Variants in PAPOLG observed in about 807,000 individuals in gnomAD.
PAPOLG encodes the protein PAP-gamma.
Under a neutral mutation model 99.0 loss-of-function variants are expected in PAPOLG, and 40 were observed. That is an observed-to-expected ratio of 0.40 (90% CI 0.31 to 0.53). PAPOLG has a LOEUF of 0.53. PAPOLG is among the 20% of genes least tolerant of loss of function. The pLI is 0.41. For synonymous variants in PAPOLG, 310 were observed against 299.3 expected, an observed-to-expected ratio of 1.04 and a Z score of -0.37; for missense variants, 675 against 884.1, an observed-to-expected ratio of 0.76 and a Z score of 3.00.
chr2:60,779,430 CTAAT>C (rs1298092311), intron 8 of PAPOLG: 4 of 498,206 alleles, frequency 8.0e-6, no homozygotes, highest in Non-Finnish European at 1.4e-5. Flanking sequence ...TTATGGTTTA[CTAAT>C]TAGACTGTGG....
At position 60,800,320 on chromosome 2, in the gene PAPOLG, G is replaced by C. The variant is rs572172204; in HGVS notation, c.*3160G>C. On this transcript the variant is annotated 3_prime_UTR_variant, in exon 22 of 22. Coordinates refer to ENST00000238714, the MANE Select transcript of PAPOLG (RefSeq NM_022894.4). ...CTTGCCTCAGCCTCCCAAGTAGCTG[G>C]AATTACAGGCCTGTGCCATGCCCAG... 2.0e-5 allele frequency: 3 copies of C among 152,398 alleles called. No individual in the cohort carries two copies. Among genetic ancestry groups the C allele is most frequent in the East Asian group, 1.9e-4 (1 of 5,194 alleles). 9.4% of individuals were successfully genotyped at this position (152,398 alleles called of 1,614,324 possible).
intron 8 of PAPOLG, 131 bp from the exon 9 acceptor site, chr2:60,779,506 C>A: frequency 1.9e-6 from 2 of 1,065,304 alleles, no homozygotes; most frequent in Non-Finnish European, 2.6e-6. Flanking sequence ...AATTTCCAAC[C>A]AACCGTCTTA....
chr2:60,779,733 C>T lies in PAPOLG; in HGVS notation c.791C>T (p.Ala264Val), dbSNP rs144862773. The stretch of plus-strand genomic sequence containing the variant: ...TGCCAATTGTATCCAAATGCAGCAG[C>T]ATCTACTTTAGTTCATAAGTTCTTT... ...RTCQLYPNAA[A>V]STLVHKFFLV... Residue 264 changes from alanine to valine, a missense_variant, in exon 9 of 22, where the codon GCA becomes GTA. This residue lies in a region of PAPOLG where 113 missense variants were observed against 231.5 expected (regional missense o/e 0.49). Transcript: ENST00000238714. 2 of 1,613,944 alleles carry T rather than the reference C, an allele frequency of 1.2e-6. No individual in the cohort carries two copies. Among genetic ancestry groups the T allele is most frequent in the Non-Finnish European group, 1.7e-6 (2 of 1,179,944 alleles).
chr2:60,764,460 G>A (rs979170786), intron 3 of PAPOLG, among the ~76,000 whole-genome samples: 4 of 148,462 alleles, frequency 2.7e-5, no homozygotes, highest in Non-Finnish European at 4.5e-5. Context: ...TCTGTCACCC[G>A]GGCTGGAATG....
At chr2:60,774,107 T>TG (rs34186314) in intron 7 of PAPOLG, among the ~76,000 whole-genome samples, 21,002 of 152,096 alleles carry the variant, frequency 0.14, 1,787 homozygotes, top group Middle Eastern at 0.2. Context: ...TTTTGTTTTT[T>TG]TTTTGAGACG....
In PAPOLG at chr2:60,797,363, C is replaced by A; in HGVS notation, c.*203C>A. 1 of 599,706 alleles carries A rather than the reference C, an allele frequency of 1.7e-6. No individual in the cohort carries two copies. The highest frequency in any genetic ancestry group is 2.9e-5 in the East Asian group (1 of 34,928). The allele number at this position is 599,706 out of a possible 1,614,324, so 37.1% of individuals were successfully genotyped here. A position where few individuals can be genotyped will look rare whatever the true frequency, so the allele number is the denominator to read the frequency against. On this transcript the variant is annotated 3_prime_UTR_variant, in exon 22 of 22. Transcript: ENST00000238714. ...ATTCTCTCACTGATTGCTACATACA[C>A]TTCTCTGAGGATCACCTGCTGTCAA...
At chr2:60,787,863 C>G (rs2103814710) in intron 15 of PAPOLG, among the ~76,000 whole-genome samples, 1 of 152,232 alleles carries the variant, frequency 6.6e-6, no homozygotes, top group Admixed American at 6.5e-5. Context: ...ACCAGCCTGG[C>G]TAATACGGTG....
intron 3 of PAPOLG, among the ~76,000 whole-genome samples, chr2:60,763,399 T>G (rs1346125098): frequency 6.6e-6 from 1 of 152,146 alleles, no homozygotes; most frequent in East Asian, 1.9e-4. Flanking sequence ...TGCTTGATTT[T>G]TTATGGCTTT....
chr2:60,790,406 TC>T (rs757314171), intron 15 of PAPOLG, among the ~76,000 whole-genome samples: 1 of 152,202 alleles, frequency 6.6e-6, no homozygotes, highest in Non-Finnish European at 1.5e-5. Context: ...AAAACAAGCC[TC>T]CCATCCCTGT....
chr2:60,773,836 C>T (rs1240831528), intron 7 of PAPOLG, among the ~76,000 whole-genome samples: 3 of 152,134 alleles, frequency 2.0e-5, no homozygotes, highest in African/African-American at 7.2e-5. Flanking sequence ...TTATTGGCAA[C>T]AAATTTTGTC....
At chr2:60,778,433 C>T (rs1671087517) in intron 8 of PAPOLG, among the ~76,000 whole-genome samples, 2 of 151,992 alleles carry the variant, frequency 1.3e-5, no homozygotes, top group East Asian at 1.9e-4. Context: ...CTGCCTTGGC[C>T]TCCAAAAGTG....
intron 13 of PAPOLG, among the ~76,000 whole-genome samples, chr2:60,783,612 G>A (rs994822533): frequency 2.1e-5 from 3 of 143,888 alleles, no homozygotes; most frequent in African/African-American, 7.7e-5. Flanking sequence ...CTGGGTTCAA[G>A]TGATTCCCCT....
intron 13 of PAPOLG, among the ~76,000 whole-genome samples, chr2:60,785,678 C>CT (rs1671339968): frequency 6.7e-6 from 1 of 149,238 alleles, no homozygotes; most frequent in Non-Finnish European, 1.5e-5. Flanking sequence ...CCCTTGCTAC[C>CT]ATACCTGGCT....
At chr2:60,782,935 T>C (rs1430371778) in intron 12 of PAPOLG, among the ~76,000 whole-genome samples, 165 bp downstream of exon 12, 1 of 152,150 alleles carries the variant, frequency 6.6e-6, no homozygotes, top group Non-Finnish European at 1.5e-5. Context: ...ATTCTGGTAG[T>C]ATCTAATCCA....
chr2:60,785,145 TG>T (rs1431443719), intron 13 of PAPOLG, among the ~76,000 whole-genome samples: 2 of 152,038 alleles, frequency 1.3e-5, no homozygotes, highest in African/African-American at 4.8e-5. Flanking sequence ...TTTTGTTTTT[TG>T]TTTTTTTTTT....
At chr2:60,780,528 A>G (rs1028444787) in intron 9 of PAPOLG, 179 bp from the exon 10 acceptor site, 13 of 176,738 alleles carry the variant, frequency 7.4e-5, no homozygotes, top group Non-Finnish European at 1.4e-4. Context: ...TGCCTGCCTC[A>G]GCTTCCCAGA....
intron 5 of PAPOLG, among the ~76,000 whole-genome samples, chr2:60,769,630 A>G (rs896876742): frequency 1.3e-4 from 20 of 152,336 alleles, no homozygotes; most frequent in African/African-American, 4.6e-4. Context: ...AATTTTTGAT[A>G]GATTAATCAT....
At chr2:60,765,314 G>A (rs1272578832) in intron 3 of PAPOLG, among the ~76,000 whole-genome samples, 1 of 144,476 alleles carries the variant, frequency 6.9e-6, no homozygotes, top group Non-Finnish European at 1.5e-5. Flanking sequence ...TTGTACTCAA[G>A]TGATCCTCCT....
intron 3 of PAPOLG, among the ~76,000 whole-genome samples, chr2:60,765,226 G>C (rs1017273935): frequency 6.8e-6 from 1 of 147,560 alleles, no homozygotes; most frequent in Non-Finnish European, 1.5e-5. Context: ...ACATCCTGAT[G>C]CCTAGCTACT....
Sources: allele counts gnomAD v4.1 joint callset (sites outside exome capture counted in the v4.1 genomes callset), GRCh38; gene constraint gnomAD v4.1.1; regional missense constraint gnomAD v4.1.1; transcripts MANE v1.5; gene names NCBI Gene and HGNC (gene_info 2026-07-23, HGNC 2026-07-21).